ZFHX3: variants seen among roughly 807,000 people sequenced by gnomAD.
The protein encoded by ZFHX3 is zinc finger homeobox 3, also known as zinc finger homeobox protein 3.
Under a neutral mutation model 279.1 loss-of-function variants are expected in ZFHX3, and 42 were observed. That is an observed-to-expected ratio of 0.15 (90% CI 0.12 to 0.19). ZFHX3 has a LOEUF of 0.19. Among genes scored for constraint, ZFHX3 ranks in the 10% least tolerant of loss-of-function variants. ZFHX3 has a pLI of 1.00. For synonymous variants in ZFHX3, 2,293 were observed against 1,957.8 expected (o/e 1.17, Z -4.52); for missense variants, 4,981 against 4,754.0 (o/e 1.05, Z -1.40).
chr16:73,706,415 C>T (rs2053304579), intron 1 of ZFHX3, among the ~76,000 whole-genome samples: 1 of 150,084 alleles, frequency 6.7e-6, no homozygotes, highest in African/African-American at 2.5e-5. Flanking sequence ...TAGATCGCAC[C>T]ACTGCACTCC....
intron 3 of ZFHX3, among the ~76,000 whole-genome samples, chr16:73,347,304 T>G (rs539625793): frequency 4.3e-4 from 65 of 152,334 alleles, no homozygotes; most frequent in African/African-American, 1.5e-3. Flanking sequence ...TTTTCTTAGC[T>G]CCATTGCTGT....
rs879709747 is a variant in ZFHX3 at position 72,968,169 on chromosome 16, T to C, written c.-49-7975A>G. Among the ~76,000 whole-genome samples the C allele has an allele frequency of 5.9e-5, 9 of 151,436 alleles. 1 individual carries two copies. Among genetic ancestry groups the C allele is most frequent in the East Asian group, 3.9e-4 (2 of 5,130 alleles). ...GAGGAACACAACATCCCTTCCCTGG[T>C]GTTCCTGTCAAAAACGCACAACCGG... On this transcript the variant is annotated intron_variant, in intron 1 of 9. Coordinates refer to ENST00000268489, the MANE Select transcript of ZFHX3 (RefSeq NM_006885.4).
At chr16:73,136,669 G>A (rs1966800629) in intron 6 of ZFHX3, among the ~76,000 whole-genome samples, 1 of 140,744 alleles carries the variant, frequency 7.1e-6, no homozygotes, top group Admixed American at 7.5e-5. Context: ...AGGTTGCAGT[G>A]AGCTGAGACT....
intron 1 of ZFHX3, among the ~76,000 whole-genome samples, chr16:72,989,344 T>G (rs1280980465): frequency 6.6e-6 from 1 of 151,722 alleles, no homozygotes; most frequent in African/African-American, 2.4e-5. Flanking sequence ...TAGCCAGGCG[T>G]GGTGCTGCAT....
chr16:73,400,687 T>C (rs35183719), intron 3 of ZFHX3: 68,217 of 152,048 alleles, frequency 0.45, 15,337 homozygotes, highest in Middle Eastern at 0.54. Context: ...AGTTCACTGA[T>C]AGAAAAAAAC....
intron 1 of ZFHX3, among the ~76,000 whole-genome samples, chr16:73,889,587 C>A (rs2030461075): frequency 6.6e-6 from 1 of 152,142 alleles, no homozygotes; most frequent in Non-Finnish European, 1.5e-5. Flanking sequence ...CAAAGAGGGG[C>A]AATAATGAAC....
At chr16:73,516,609 A>T (rs887929004) in intron 2 of ZFHX3, among the ~76,000 whole-genome samples, 2 of 152,156 alleles carry the variant, frequency 1.3e-5, no homozygotes, top group African/African-American at 4.8e-5. Context: ...AGGTATTTTC[A>T]TGTGAGAATT....
At chr16:73,667,514 T>C (rs1904830) in intron 2 of ZFHX3, among the ~76,000 whole-genome samples, 147,589 of 152,326 alleles carry the variant, frequency 0.97, 71,531 homozygotes, top group East Asian at 1. Context: ...TCCAAAGTGG[T>C]TGTACCATTT....
chr16:73,271,072 G>A (rs1435597525), intron 4 of ZFHX3, among the ~76,000 whole-genome samples: 1 of 152,180 alleles, frequency 6.6e-6, no homozygotes, highest in Non-Finnish European at 1.5e-5. Context: ...CACCCCAGAG[G>A]TTGTGATTTA....
chr16:73,466,732 G>A (rs73598938), intron 2 of ZFHX3, among the ~76,000 whole-genome samples: 1,767 of 152,244 alleles, frequency 0.012, 27 homozygotes, highest in African/African-American at 0.041. Context: ...ACTAACCCCA[G>A]TAGGCACCTA....
chr16:73,839,326 C>CAAAAAAAAAAAAAAAAAAAAAAAAAAAA (rs777484716), intron 1 of ZFHX3, among the ~76,000 whole-genome samples: 2 of 30,050 alleles, frequency 6.7e-5, no homozygotes, highest in African/African-American at 1.2e-4. Flanking sequence ...GACTCCATCT[C>CAAAAAAAAAAAAAAAAAAAAAAAAAAAA]AAAAAAAAAA....
At chr16:73,230,437 T>C (rs186604075) in intron 5 of ZFHX3, among the ~76,000 whole-genome samples, 6 of 151,990 alleles carry the variant, frequency 3.9e-5, no homozygotes, top group Non-Finnish European at 7.4e-5. Context: ...CTCAATGATA[T>C]AAAAAAAATA....
intron 2 of ZFHX3, among the ~76,000 whole-genome samples, chr16:73,657,248 G>A (rs1255623570): frequency 1.3e-5 from 2 of 152,192 alleles, no homozygotes; most frequent in Non-Finnish European, 2.9e-5. Context: ...CCTGAGGTTA[G>A]GAATTCAAGA....
At chr16:73,361,259 C>T (rs2016430055) in intron 3 of ZFHX3, among the ~76,000 whole-genome samples, 1 of 152,220 alleles carries the variant, frequency 6.6e-6, no homozygotes, top group Admixed American at 6.5e-5. Flanking sequence ...GGCTGTGTGA[C>T]TTGCTTTGGC....
chr16:72,960,619 G>A (rs909914423), intron 1 of ZFHX3, among the ~76,000 whole-genome samples: 5 of 152,184 alleles, frequency 3.3e-5, no homozygotes, highest in Non-Finnish European at 5.9e-5. Context: ...AGTCAGCCCC[G>A]ACTCCGCGCA....
At chr16:73,554,107 C>T (rs1462696998) in intron 2 of ZFHX3, among the ~76,000 whole-genome samples, 3 of 152,154 alleles carry the variant, frequency 2.0e-5, no homozygotes, top group African/African-American at 4.8e-5. Context: ...AGTTCTCTTC[C>T]TGCCAAGATT....
At chr16:73,678,208 T>C (rs1315700750) in intron 2 of ZFHX3, among the ~76,000 whole-genome samples, 1 of 152,056 alleles carries the variant, frequency 6.6e-6, no homozygotes, top group African/African-American at 2.4e-5. Context: ...CAGGAATGAG[T>C]AAAACTTTTC....
chr16:73,410,913 T>C (rs1388925367), intron 3 of ZFHX3, among the ~76,000 whole-genome samples: 1 of 152,202 alleles, frequency 6.6e-6, no homozygotes, highest in Non-Finnish European at 1.5e-5. Flanking sequence ...AGGTTCACAG[T>C]GGCAGGTGCA....
At chr16:73,124,758 C>A (rs1436011450) in intron 7 of ZFHX3, among the ~76,000 whole-genome samples, 1 of 152,088 alleles carries the variant, frequency 6.6e-6, no homozygotes, top group East Asian at 1.9e-4. Context: ...TGATAGCACC[C>A]AGGTGGGAAG....
Sources: gnomAD v4.1 joint callset for allele counts (sites outside exome capture counted in the v4.1 genomes callset) on GRCh38, gnomAD v4.1.1 for gene constraint, MANE v1.5 for transcripts, NCBI Gene and HGNC (gene_info 2026-07-23, HGNC 2026-07-21) for gene names.